GOLM2: variants seen among roughly 807,000 people sequenced by gnomAD.
GOLM2 encodes protein GOLM2.
GOLM2 carries 26 observed loss-of-function variants against 55.9 expected under a neutral mutation model. The ratio of observed to expected loss-of-function variants is 0.47; its 90% CI spans 0.34 to 0.65. The LOEUF (loss-of-function observed/expected upper bound fraction) is 0.65. Ranked by LOEUF, GOLM2 falls within the 30% of genes least tolerant of loss-of-function variation. GOLM2 has a pLI of 0.01. For missense variants in GOLM2, 486 were observed against 531.8 expected, an observed-to-expected ratio of 0.91 and a Z score of 0.85; for synonymous variants, 165 against 194.6, an observed-to-expected ratio of 0.85 and a Z score of 1.27.
At chr15:44,375,377 A>G (rs930633473) in intron 6 of GOLM2, among the ~76,000 whole-genome samples, 16 of 152,090 alleles carry the variant, frequency 1.1e-4, no homozygotes, top group South Asian at 8.3e-4. Flanking sequence ...CTCTGCATCT[A>G]ATTTTCCCCA....
chr15:44,319,959 G>A (rs1473485349), intron 1 of GOLM2, among the ~76,000 whole-genome samples: 1 of 152,168 alleles, frequency 6.6e-6, no homozygotes, highest in East Asian at 1.9e-4. Flanking sequence ...CTGTTCAAGT[G>A]TACAATTTAG....
intron 2 of GOLM2, among the ~76,000 whole-genome samples, chr15:44,327,244 C>T (rs2078989685): frequency 6.6e-6 from 1 of 151,882 alleles, no homozygotes; most frequent in Non-Finnish European, 1.5e-5. Context: ...AGCCACCACG[C>T]CCAGCCCCAA....
chr15:44,376,804 G>A (rs2079367737), intron 6 of GOLM2, among the ~76,000 whole-genome samples: 2 of 144,372 alleles, frequency 1.4e-5, no homozygotes, highest in Non-Finnish European at 3.0e-5. Flanking sequence ...TAGGTATATA[G>A]TAGGTGTGGG....
chr15:44,359,410 A>G (rs2079221091), intron 6 of GOLM2, among the ~76,000 whole-genome samples: 1 of 151,974 alleles, frequency 6.6e-6, no homozygotes, highest in South Asian at 2.1e-4. Flanking sequence ...ACACAGTGAA[A>G]CCCCGTCTCT....
chr15:44,371,290 A>G (rs189850649), intron 6 of GOLM2, among the ~76,000 whole-genome samples: 2 of 152,160 alleles, frequency 1.3e-5, no homozygotes, highest in Admixed American at 1.3e-4. Context: ...TGCCTCATGT[A>G]TTTTTCCTGC....
chr15:44,314,354 T>TTC (rs2078894644), intron 1 of GOLM2, among the ~76,000 whole-genome samples: 1 of 151,164 alleles, frequency 6.6e-6, no homozygotes, highest in African/African-American at 2.4e-5. Flanking sequence ...AGGTCAGGAG[T>TTC]TCGAGACCAT....
intron 8 of GOLM2, among the ~76,000 whole-genome samples, chr15:44,381,300 A>T (rs945066067): frequency 6.6e-6 from 1 of 152,206 alleles, no homozygotes; most frequent in African/African-American, 2.4e-5. Context: ...ATAGGCTTAC[A>T]AATGAAAACT....
intron 6 of GOLM2, among the ~76,000 whole-genome samples, chr15:44,378,417 G>T (rs2079379469): frequency 6.7e-6 from 1 of 150,092 alleles, no homozygotes. Context: ...CAGTGCAGTG[G>T]CCTGATCTCA....
intron 8 of GOLM2, among the ~76,000 whole-genome samples, chr15:44,383,248 A>G (rs1237968465): frequency 6.6e-6 from 1 of 151,790 alleles, no homozygotes; most frequent in Non-Finnish European, 1.5e-5. Flanking sequence ...AGCTGTCATG[A>G]TTGTTACTAT....
At chr15:44,336,679 G>A (rs1416366276) in intron 4 of GOLM2, among the ~76,000 whole-genome samples, 1 of 151,934 alleles carries the variant, frequency 6.6e-6, no homozygotes, top group African/African-American at 2.4e-5. Context: ...CACTTTGGGA[G>A]GCCGAGGTTG....
intron 8 of GOLM2, among the ~76,000 whole-genome samples, chr15:44,396,701 T>C (rs1347537601): frequency 1.3e-5 from 2 of 152,176 alleles, no homozygotes; most frequent in Non-Finnish European, 2.9e-5. Flanking sequence ...ATGTGGAGCA[T>C]ATGAAGTTAG....
At chr15:44,332,839 C>A (rs1473145136) in intron 4 of GOLM2, among the ~76,000 whole-genome samples, 1 of 151,954 alleles carries the variant, frequency 6.6e-6, no homozygotes, top group Non-Finnish European at 1.5e-5. Flanking sequence ...GGGGCAAATT[C>A]TTTTATTAAT....
chr15:44,391,839 C>A (rs1043981551), intron 8 of GOLM2, among the ~76,000 whole-genome samples: 2 of 151,870 alleles, frequency 1.3e-5, no homozygotes, highest in African/African-American at 4.8e-5. Context: ...TTGATGAATT[C>A]TTTATTTTTT....
rs1356329335 is a variant in GOLM2 at position 44,344,894 on chromosome 15, C to T, written c.802+6577C>T. On this transcript the variant is annotated intron_variant, in intron 6 of 9. Transcript: ENST00000299957. ...CTGGGTTCGCGCCATTCTCTTGCCT[C>T]AGCCTCCTGAGTAGCTGGGACTACA... Among the ~76,000 whole-genome samples, 3 of 150,472 alleles carry T rather than the reference C, an allele frequency of 2.0e-5. No homozygotes were observed. The East Asian group carries it at 5.9e-4, about 30-fold the overall frequency.
chr15:44,357,928 G>A (rs894300832), intron 6 of GOLM2, among the ~76,000 whole-genome samples: 4 of 152,214 alleles, frequency 2.6e-5, no homozygotes, highest in Admixed American at 2.0e-4. Flanking sequence ...GAGCTATTGA[G>A]TTTCATGGAT....
At position 44,305,536 on chromosome 15, in the gene GOLM2, T is replaced by C. The variant is rs560996054; in HGVS notation, c.327+16180T>C. On this transcript the variant is annotated intron_variant, in intron 1 of 9. Coordinates refer to ENST00000299957, the MANE Select transcript of GOLM2 (RefSeq NM_138423.4). ...CCCGTCTTGAACTCCTGAGCCCAAG[T>C]GTCCACCCGCCTCTGTCTCTCAAAG... is the stretch of plus-strand genomic sequence containing the variant. 3.4e-3 allele frequency among the ~76,000 whole-genome samples: 515 copies of C among 152,170 alleles called. 2 individuals are homozygous for C. Among genetic ancestry groups the C allele is most frequent in the Non-Finnish European group, 5.2e-3 (353 of 67,990 alleles).
intron 1 of GOLM2, among the ~76,000 whole-genome samples, chr15:44,302,663 AT>A (rs975858259): frequency 6.7e-6 from 1 of 150,328 alleles, no homozygotes; most frequent in African/African-American, 2.4e-5. Context: ...GCTAATTTTT[AT>A]TTTTTTTGTA....
At chr15:44,298,425 G>T (rs1038097049) in intron 1 of GOLM2, among the ~76,000 whole-genome samples, 4 of 149,318 alleles carry the variant, frequency 2.7e-5, no homozygotes, top group African/African-American at 9.9e-5. Context: ...CACCATGGCC[G>T]GCTAATTTTT....
In GOLM2 at chr15:44,288,845, G is replaced by T. The variant is rs956176997; in HGVS notation, c.-185G>T. ...CGCGTTTTGGCCTGATTTGAGGAGGGGGGCGGGGAGGGACCTGCGGCTTGC... is the reference window on the plus strand; with the variant it reads ...CGCGTTTTGGCCTGATTTGAGGAGGTGGGCGGGGAGGGACCTGCGGCTTGC... On this transcript the variant is annotated 5_prime_UTR_variant, in exon 1 of 10. Coordinates refer to ENST00000299957, the MANE Select transcript of GOLM2 (RefSeq NM_138423.4). 8.4e-6 allele frequency: 5 copies of T among 594,796 alleles called. No individual in the cohort carries two copies. Among genetic ancestry groups the T allele is most frequent in the Non-Finnish European group, 1.5e-5 (5 of 340,200 alleles). 36.8% of individuals were successfully genotyped at this position (594,796 alleles called of 1,614,324 possible).
Sources: allele counts gnomAD v4.1 joint callset (sites outside exome capture counted in the v4.1 genomes callset), GRCh38; gene constraint gnomAD v4.1.1; transcripts MANE v1.5; gene names NCBI Gene and HGNC (gene_info 2026-07-23, HGNC 2026-07-21).